PTPRA: variants seen among roughly 807,000 people sequenced by gnomAD.
The protein encoded by PTPRA is protein tyrosine phosphatase receptor type A, also known as receptor-type tyrosine-protein phosphatase alpha.
PTPRA carries 25 observed loss-of-function variants against 104.8 expected under a neutral mutation model. The ratio of observed to expected loss-of-function variants is 0.24; its 90% confidence interval spans 0.17 to 0.33. PTPRA has a LOEUF of 0.33. PTPRA is among the 10% of genes least tolerant of loss of function. The pLI is 1.00. For synonymous variants in PTPRA, 323 were observed against 368.9 expected (o/e 0.88, Z 1.43); for missense variants, 765 against 1,015.3 (o/e 0.75, Z 3.35).
chr20:2,886,105 G>A (rs1302350434), intron 1 of PTPRA, among the ~76,000 whole-genome samples: 2 of 152,080 alleles, frequency 1.3e-5, no homozygotes, highest in Non-Finnish European at 2.9e-5. Flanking sequence ...TTGAACATAA[G>A]TATAGATCTT....
chr20:2,865,103 T>G, the PTPRA span: 1 of 1,614,158 alleles, frequency 6.2e-7, no homozygotes, highest in East Asian at 2.2e-5. The surrounding 1 kb of genome is among the most constrained non-coding windows in gnomAD (Gnocchi z 5.2). Flanking sequence ...TGGTCTTCCC[T>G]CCTGGTCCCT....
intron 2 of PTPRA, among the ~76,000 whole-genome samples, chr20:2,930,786 C>A (rs759949905): frequency 6.6e-6 from 1 of 152,108 alleles, no homozygotes; most frequent in Admixed American, 6.6e-5. Context: ...ACATCTTCAA[C>A]GACCCTATTT....
At chr20:3,023,319 G>C (rs73583884) in intron 16 of PTPRA, among the ~76,000 whole-genome samples, 3,447 of 152,310 alleles carry the variant, frequency 0.023, 127 homozygotes, top group African/African-American at 0.077. Context: ...ATATGCCCTC[G>C]TGGGAAGGGA....
intron 1 of PTPRA, among the ~76,000 whole-genome samples, chr20:2,885,804 G>A (rs536841537): frequency 1.8e-3 from 274 of 152,048 alleles, no homozygotes; most frequent in African/African-American, 6.1e-3. Flanking sequence ...GGTGGCCCAC[G>A]CCTGTAATCC....
chr20:2,866,326 T>A, the PTPRA span: 4 of 1,614,132 alleles, frequency 2.5e-6, 1 homozygote, highest in South Asian at 4.4e-5. Context: ...GTGCGTCAAC[T>A]GAGGGCCTGT....
At chr20:2,887,311 T>C (rs2090442829) in intron 1 of PTPRA, among the ~76,000 whole-genome samples, 1 of 152,232 alleles carries the variant, frequency 6.6e-6, no homozygotes, top group African/African-American at 2.4e-5. Flanking sequence ...AATGAACATG[T>C]GTTGGGGATG....
chr20:2,969,024 A>G (rs917553777), intron 5 of PTPRA, among the ~76,000 whole-genome samples: 1 of 152,154 alleles, frequency 6.6e-6, no homozygotes, highest in African/African-American at 2.4e-5. Flanking sequence ...CCTAGCCGAC[A>G]TGGCAAAACC....
At chr20:3,026,637 A>G in intron 17 of PTPRA, 50 bp from the exon 18 acceptor site, 1 of 1,447,524 alleles carries the variant, frequency 6.9e-7, no homozygotes, top group Non-Finnish European at 9.7e-7. Context: ...TAATCTTGTC[A>G]AGTTCAGTTA....
Position 3,037,172 on chromosome 20 carries a change from G to A in PTPRA, c.2217G>A (p.Thr739=), listed in dbSNP as rs1306601024. The A allele has an allele frequency of 5.0e-6, 8 of 1,614,092 alleles. No homozygotes were observed. In the African/African-American group the frequency reaches 8.0e-5, roughly 16 times the overall value. ...TVHCSAGAGR[T]GTFCALSTVL... ...GTTGCAGCGCCGGGGCAGGAAGGAC[G>A]GGGACCTTCTGTGCCCTGAGCACCG... Residue 739 remains threonine, a synonymous_variant, in exon 23 of 24, where the codon ACG becomes ACA. Transcript: ENST00000399903. The surrounding 1 kb of genome is among the most constrained non-coding windows in gnomAD (Gnocchi z 4.3).
At chr20:3,019,635 G>A (rs1237855790) in intron 13 of PTPRA, among the ~76,000 whole-genome samples, 1 of 147,148 alleles carries the variant, frequency 6.8e-6, no homozygotes, top group Non-Finnish European at 1.5e-5. Context: ...GACGATGGGC[G>A]GCCGGGCAGA....
chr20:2,893,499 G>A (rs1191024915), intron 1 of PTPRA, among the ~76,000 whole-genome samples: 2 of 152,102 alleles, frequency 1.3e-5, no homozygotes, highest in African/African-American at 4.8e-5. Context: ...AATCTTAGCT[G>A]TACTTAATAT....
At chr20:2,865,127 C>G in the PTPRA span, 2 of 1,614,146 alleles carry the variant, frequency 1.2e-6, no homozygotes, top group Non-Finnish European at 1.7e-6. The surrounding 1 kb of genome is among the most constrained non-coding windows in gnomAD (Gnocchi z 5.2). Flanking sequence ...CCCCATCATG[C>G]CTCATTATCC....
rs903358730 is a variant in PTPRA at position 2,896,517 on chromosome 20, G to A, written c.-129+22757G>A. Among the ~76,000 whole-genome samples, 14 of 152,314 alleles carry A rather than the reference G, an allele frequency of 9.2e-5. 1 individual carries two copies. Among genetic ancestry groups the A allele is most frequent in the Admixed American group, 7.8e-4 (12 of 15,306 alleles). ...CCAGATTCCACAGGTTGTTAATGTT[G>A]TACAATTGCGTCTTCTCTTTCTCAC... On this transcript the variant is annotated intron_variant, in intron 1 of 23. Transcript: ENST00000399903.
At chr20:3,003,299 G>A (rs1240415703) in intron 9 of PTPRA, among the ~76,000 whole-genome samples, 1 of 152,166 alleles carries the variant, frequency 6.6e-6, no homozygotes, top group African/African-American at 2.4e-5. Context: ...TGAATGAAAA[G>A]TAATGCATGA....
At chr20:2,913,178 C>A (rs368526562) in intron 1 of PTPRA, among the ~76,000 whole-genome samples, 2 of 151,970 alleles carry the variant, frequency 1.3e-5, no homozygotes, top group Non-Finnish European at 2.9e-5. Context: ...GAGTTTGAGA[C>A]CAGCTTGGCC....
At chr20:2,904,538 G>A (rs1038520088) in intron 1 of PTPRA, among the ~76,000 whole-genome samples, 3 of 151,660 alleles carry the variant, frequency 2.0e-5, no homozygotes, top group Admixed American at 2.0e-4. Context: ...GCATGGTAGC[G>A]GATGCCTGCG....
At chr20:2,963,938 G>T (rs1012189475) in intron 3 of PTPRA, among the ~76,000 whole-genome samples, 17 of 152,086 alleles carry the variant, frequency 1.1e-4, no homozygotes, top group Admixed American at 3.3e-4. Flanking sequence ...TACTCAGGAG[G>T]CTGAGACAGA....
intron 1 of PTPRA, among the ~76,000 whole-genome samples, chr20:2,880,053 A>G (rs2089962556): frequency 6.6e-6 from 1 of 152,230 alleles, no homozygotes; most frequent in African/African-American, 2.4e-5. Context: ...GAGAATGGCA[A>G]GGAGCAGAGT....
chr20:2,999,643 T>C (rs1266735562), intron 9 of PTPRA, among the ~76,000 whole-genome samples: 1 of 152,268 alleles, frequency 6.6e-6, no homozygotes, highest in East Asian at 1.9e-4. Context: ...CCTGGGACCA[T>C]TGGTAACCCT....
Sources: gnomAD v4.1 joint callset for allele counts (sites outside exome capture counted in the v4.1 genomes callset) on GRCh38, gnomAD v4.1.1 for gene constraint, Gnocchi (gnomAD v3.1) non-coding constraint, MANE v1.5 for transcripts, NCBI Gene and HGNC (gene_info 2026-07-23, HGNC 2026-07-21) for gene names.